Variants in WDR37 observed in about 807,000 individuals in gnomAD.
WDR37 encodes WD repeat domain 37, also known as WD repeat-containing protein 37.
A neutral mutation model predicts 62.9 loss-of-function variants in WDR37; 19 were observed. The observed-to-expected ratio is 0.30, with a 90% CI of 0.21 to 0.44. The LOEUF (loss-of-function observed/expected upper bound fraction) is 0.44, where lower values mean the gene tolerates loss of function less well. WDR37 is among the 20% of genes least tolerant of loss of function. The pLI, the probability that WDR37 is intolerant of heterozygous loss-of-function variation, is 1.00. For synonymous variants in WDR37, 250 were observed against 260.9 expected, an observed-to-expected ratio of 0.96 and a Z score of 0.40; for missense variants, 474 against 657.6, an observed-to-expected ratio of 0.72 and a Z score of 3.05.
chr10:1,101,041 C>T (rs1281794802), intron 9 of WDR37, among the ~76,000 whole-genome samples: 14 of 152,212 alleles, frequency 9.2e-5, no homozygotes, highest in Non-Finnish European at 1.6e-4. Flanking sequence ...ACCGTCTGAA[C>T]GCCTGTATTG....
chr10:1,090,532 A>G (rs1834350386), intron 7 of WDR37, among the ~76,000 whole-genome samples: 1 of 151,688 alleles, frequency 6.6e-6, no homozygotes, highest in South Asian at 2.1e-4. Context: ...AATCAGTACA[A>G]CTCTACAAGG....
intron 1 of WDR37, among the ~76,000 whole-genome samples, chr10:1,065,082 G>A (rs1833495587): frequency 6.6e-6 from 1 of 152,126 alleles, no homozygotes; most frequent in Admixed American, 6.6e-5. Context: ...AAACAGAAAG[G>A]AAATGACAAA....
At chr10:1,086,188 G>A in intron 6 of WDR37, 98 bp from the exon 7 acceptor site, 1 of 943,126 alleles carries the variant, frequency 1.1e-6, no homozygotes, top group Non-Finnish European at 1.7e-6. Context: ...CAGTGGTCGT[G>A]TAATTTCCCA....
chr10:1,082,581 C>T (rs904775607), intron 5 of WDR37, among the ~76,000 whole-genome samples: 1 of 152,216 alleles, frequency 6.6e-6, no homozygotes, highest in Admixed American at 6.5e-5. Context: ...TGTTCTGCTG[C>T]TTTTCTGTTA....
In WDR37 at chr10:1,124,329, T is replaced by C; in HGVS notation, c.1215T>C (p.Ile405=). The stretch of plus-strand genomic sequence containing the variant: ...ATATGAGATCCCCCATTGCAACTAT[T>C]CGCACGGACTCTGCCATTAACAGGT... ...LKNMRSPIAT[I]RTDSAINRIN... is the part of the protein sequence containing the mutation. Residue 405 remains isoleucine (I), a synonymous_variant, in exon 12 of 14, where the codon ATT becomes ATC. Coordinates refer to ENST00000263150, the MANE Select transcript of WDR37 (RefSeq NM_014023.4). 6 of 1,614,196 alleles carry C rather than the reference T, an allele frequency of 3.7e-6. No homozygotes were observed. Among genetic ancestry groups the C allele is most frequent in the Non-Finnish European group, 5.1e-6 (6 of 1,180,036 alleles).
At chr10:1,124,556 G>A (rs4880768) in intron 12 of WDR37, among the ~76,000 whole-genome samples, 149,606 of 152,276 alleles carry the variant, frequency 0.98, 73,559 homozygotes, top group East Asian at 1. Flanking sequence ...TGAGATTTGT[G>A]AGAATGAGAA....
At chr10:1,083,802 T>A (rs1288516598) in intron 5 of WDR37, among the ~76,000 whole-genome samples, 4 of 152,240 alleles carry the variant, frequency 2.6e-5, no homozygotes, top group African/African-American at 9.6e-5. Context: ...CGCGCTGCCC[T>A]GCATCCTCAT....
In WDR37 at chr10:1,098,621, A is replaced by G. The variant is rs575485422; in HGVS notation, c.726+2375A>G. Among the ~76,000 whole-genome samples the G allele has an allele frequency of 1.6e-4, 24 of 152,242 alleles. No individual in the cohort carries two copies. The South Asian group carries it at 3.1e-3, about 20-fold the overall frequency. ...ATTACAGGCGTGAGCCACCGTGCCC[A>G]GCCTCTCTGTGCTAATATTAATAGA... On this transcript the variant is annotated intron_variant, in intron 9 of 13. Coordinates refer to ENST00000263150, the MANE Select transcript of WDR37 (RefSeq NM_014023.4).
intron 7 of WDR37, among the ~76,000 whole-genome samples, chr10:1,093,177 A>T (rs1161387980): frequency 6.6e-6 from 1 of 152,164 alleles, no homozygotes; most frequent in Non-Finnish European, 1.5e-5. Flanking sequence ...ATTTTTAGCT[A>T]AAAATGACAT....
intron 1 of WDR37, among the ~76,000 whole-genome samples, 154 bp downstream of exon 1, chr10:1,057,122 G>C (rs1300372089): frequency 6.6e-6 from 1 of 152,112 alleles, no homozygotes; most frequent in Non-Finnish European, 1.5e-5. Flanking sequence ...CAGAGGGTCC[G>C]TGGTGGTGCA....
intron 11 of WDR37, among the ~76,000 whole-genome samples, chr10:1,123,580 C>T (rs537939360): frequency 9.8e-5 from 15 of 152,328 alleles, no homozygotes; most frequent in Non-Finnish European, 1.6e-4. Flanking sequence ...TGTGTGTACA[C>T]GCCGCATTAA....
At chr10:1,117,121 C>G (rs1181827861) in intron 11 of WDR37, among the ~76,000 whole-genome samples, 2 of 152,158 alleles carry the variant, frequency 1.3e-5, no homozygotes, top group African/African-American at 2.4e-5. Context: ...GTGGCATGAT[C>G]ACGGCTCACT....
At chr10:1,066,435 GA>G (rs1188664704) in intron 1 of WDR37, among the ~76,000 whole-genome samples, 1 of 152,058 alleles carries the variant, frequency 6.6e-6, no homozygotes, top group Non-Finnish European at 1.5e-5. Context: ...GACTAATGCA[GA>G]AAAAACCTTG....
chr10:1,120,582 C>T (rs543427169), intron 11 of WDR37, among the ~76,000 whole-genome samples: 7 of 152,278 alleles, frequency 4.6e-5, no homozygotes, highest in East Asian at 1.9e-4. Flanking sequence ...GATCTGTTCT[C>T]GGTACCTTGA....
intron 2 of WDR37, among the ~76,000 whole-genome samples, chr10:1,075,291 T>A (rs868610805): frequency 1.3e-4 from 18 of 141,888 alleles, no homozygotes; most frequent in East Asian, 4.1e-4. Context: ...TTTTTTTTTT[T>A]AAATTTATAC....
rs558892362 is a variant in WDR37 at position 1,067,156 on chromosome 10, A to AT, written c.-40-4954dup. ...AACCCCACACAAGTACAGTGAGTTG[A>AT]TTTTTTGACAAAAGTCCAAAGCAGT... On this transcript the variant is annotated intron_variant, in intron 1 of 13. Coordinates refer to ENST00000263150, the MANE Select transcript of WDR37 (RefSeq NM_014023.4). Among the ~76,000 whole-genome samples, 5 of 152,324 alleles carry AT rather than the reference A, an allele frequency of 3.3e-5. No homozygotes were observed. In the East Asian group the frequency reaches 9.6e-4, roughly 29 times the overall value.
chr10:1,071,177 T>A (rs532449741), intron 1 of WDR37, among the ~76,000 whole-genome samples: 1 of 152,320 alleles, frequency 6.6e-6, no homozygotes, highest in African/African-American at 2.4e-5. Context: ...CAGTCTTTTC[T>A]CTAAAAGAAG....
chr10:1,126,061 G>A (rs1835735378), intron 13 of WDR37, among the ~76,000 whole-genome samples: 1 of 152,180 alleles, frequency 6.6e-6, no homozygotes, highest in Non-Finnish European at 1.5e-5. Flanking sequence ...GGCGTTTGCT[G>A]TTGGCTCTCC....
intron 1 of WDR37, among the ~76,000 whole-genome samples, chr10:1,067,613 G>A (rs2131609445): frequency 6.6e-6 from 1 of 152,304 alleles, no homozygotes; most frequent in Admixed American, 6.5e-5. Context: ...GGTGTGAAGA[G>A]ACACCTCACT....
Sources: allele counts gnomAD v4.1 joint callset (sites outside exome capture counted in the v4.1 genomes callset), GRCh38; gene constraint gnomAD v4.1.1; transcripts MANE v1.5; gene names NCBI Gene and HGNC (gene_info 2026-07-23, HGNC 2026-07-21).